Variants in WWOX observed in about 807,000 individuals in gnomAD.
WWOX encodes WW domain-containing oxidoreductase.
A neutral mutation model predicts 46.2 loss-of-function variants in WWOX; 69 were observed. The ratio of observed to expected loss-of-function variants is 1.49; its 90% CI spans 1.23 to 1.82. WWOX has a LOEUF of 1.82. WWOX is among the 40% of genes most tolerant of loss of function. WWOX has a pLI of 0.00. For synonymous variants in WWOX, 359 were observed against 202.6 expected (o/e 1.77, Z -6.56); for missense variants, 919 against 542.6 (o/e 1.69, Z -6.89).
intron 8 of WWOX, among the ~76,000 whole-genome samples, chr16:78,936,487 G>A (rs1283397189): frequency 6.6e-6 from 1 of 152,136 alleles, no homozygotes; most frequent in Non-Finnish European, 1.5e-5. Context: ...ATAAGTGCTT[G>A]CTAGCAAGCA....
At chr16:78,171,660 A>G (rs2035165405) in intron 5 of WWOX, among the ~76,000 whole-genome samples, 1 of 152,174 alleles carries the variant, frequency 6.6e-6, no homozygotes, top group Admixed American at 6.5e-5. Context: ...ATAGTTGTAG[A>G]TTACCGGGAA....
chr16:78,550,621 A>G (rs1266940385), intron 8 of WWOX: 2 of 152,236 alleles, frequency 1.3e-5, no homozygotes, highest in African/African-American at 2.4e-5. Flanking sequence ...TTTGTCTGAC[A>G]TAACTCAAAG....
intron 8 of WWOX, among the ~76,000 whole-genome samples, chr16:78,559,909 G>A (rs898163275): frequency 2.0e-5 from 3 of 152,080 alleles, no homozygotes; most frequent in Non-Finnish European, 4.4e-5. Flanking sequence ...CTTACAATCC[G>A]TTGCAGAAAG....
intron 8 of WWOX, among the ~76,000 whole-genome samples, chr16:78,538,449 C>CT (rs946171482): frequency 3.9e-5 from 6 of 152,144 alleles, no homozygotes; most frequent in Admixed American, 2.0e-4. Flanking sequence ...CGGCCACGGG[C>CT]TTTCCCACTG....
At chr16:78,968,482 C>A (rs191500737) in intron 8 of WWOX, among the ~76,000 whole-genome samples, 1 of 152,178 alleles carries the variant, frequency 6.6e-6, no homozygotes, top group Non-Finnish European at 1.5e-5. Context: ...CAGTCTTCAT[C>A]GTGGATGCAA....
intron 8 of WWOX, among the ~76,000 whole-genome samples, chr16:79,124,634 A>G (rs968335765): frequency 1.3e-5 from 2 of 152,180 alleles, no homozygotes; most frequent in East Asian, 3.9e-4. Flanking sequence ...TTGTGGAATG[A>G]TGAATATGTT....
At chr16:78,837,213 A>C (rs927291457) in intron 8 of WWOX, among the ~76,000 whole-genome samples, 2 of 152,206 alleles carry the variant, frequency 1.3e-5, no homozygotes, top group African/African-American at 4.8e-5. Flanking sequence ...CTGAACCAGA[A>C]GACTTGAGCT....
intron 5 of WWOX, among the ~76,000 whole-genome samples, chr16:78,180,860 C>T (rs948940932): frequency 2.0e-5 from 3 of 152,066 alleles, no homozygotes; most frequent in East Asian, 3.9e-4. Flanking sequence ...AGCAGACGTC[C>T]GGACTGTGCT....
At chr16:78,693,064 C>T (rs1306912332) in intron 8 of WWOX, among the ~76,000 whole-genome samples, 2 of 152,240 alleles carry the variant, frequency 1.3e-5, no homozygotes, top group Admixed American at 1.3e-4. Context: ...CCATCCAGAG[C>T]TTGCCAGCAA....
Position 78,578,266 on chromosome 16 carries a change from A to ATATATT in WWOX, c.1056+145519_1056+145520insTTATAT, listed in dbSNP as rs1392635047. Among the ~76,000 whole-genome samples, 98 of 22,292 alleles carry ATATATT rather than the reference A, an allele frequency of 4.4e-3. 1 individual carries two copies. Among genetic ancestry groups the ATATATT allele is most frequent in the African/African-American group, 0.014 (95 of 6,716 alleles). The allele number at this position is 22,292 out of a possible 152,430, so 14.6% of individuals were successfully genotyped here. On this transcript the variant is annotated intron_variant, in intron 8 of 8. Transcript: ENST00000566780. ...TGCATACCAAATTTTATATATATATATATATATATATATATATATTTTTTT... is the reference window on the plus strand; with the variant it reads ...TGCATACCAAATTTTATATATATATATATATTTATATATATATATATATATTTTTTT...
In WWOX at chr16:78,720,729, C is replaced by G. The variant is rs147113583; in HGVS notation, c.1056+287977C>G. Among the ~76,000 whole-genome samples, 43 of 152,210 alleles carry G rather than the reference C, an allele frequency of 2.8e-4. No individual in the cohort carries two copies. The East Asian group carries it at 7.7e-3, about 27-fold the overall frequency. On this transcript the variant is annotated intron_variant, in intron 8 of 8. Coordinates refer to ENST00000566780, the MANE Select transcript of WWOX (RefSeq NM_016373.4). ...GCGTGGTTTACACTATAAATTTCCA[C>G]CGGTCTCTGCTTGTCTCTTCTAGAA...
intron 4 of WWOX, among the ~76,000 whole-genome samples, chr16:78,129,607 A>G (rs1567588196): frequency 6.6e-6 from 1 of 152,128 alleles, no homozygotes; most frequent in East Asian, 1.9e-4. Flanking sequence ...ATCAGCCTTT[A>G]GGACAGAGGT....
chr16:78,226,525 CCTT>C (rs1272079655), intron 5 of WWOX, among the ~76,000 whole-genome samples: 1 of 129,550 alleles, frequency 7.7e-6, no homozygotes, highest in Non-Finnish European at 1.6e-5. Flanking sequence ...TTCCTTCTCT[CCTT>C]CTCCTCCTCC....
intron 8 of WWOX, among the ~76,000 whole-genome samples, chr16:79,074,523 G>A (rs1192074964): frequency 6.8e-6 from 1 of 146,000 alleles, no homozygotes; most frequent in Non-Finnish European, 1.5e-5. Context: ...GGGATTTTGG[G>A]GACAACAGTG....
chr16:78,464,702 A>G (rs566742753), intron 8 of WWOX, among the ~76,000 whole-genome samples: 10 of 152,246 alleles, frequency 6.6e-5, no homozygotes, highest in African/African-American at 1.7e-4. Flanking sequence ...CCGTGCAGCA[A>G]TTCTTCCTGG....
At chr16:79,019,327 C>G (rs192378951) in intron 8 of WWOX, among the ~76,000 whole-genome samples, 4 of 152,166 alleles carry the variant, frequency 2.6e-5, no homozygotes, top group Admixed American at 2.6e-4. Context: ...ATGGTGCCGT[C>G]TACTACACAC....
At chr16:78,457,692 T>A (rs2083852231) in intron 8 of WWOX, among the ~76,000 whole-genome samples, 1 of 151,974 alleles carries the variant, frequency 6.6e-6, no homozygotes, top group Non-Finnish European at 1.5e-5. Flanking sequence ...GGCAGGTGGA[T>A]CACCTGAGGT....
At chr16:78,461,450 C>T (rs764532102) in intron 8 of WWOX, among the ~76,000 whole-genome samples, 1 of 152,098 alleles carries the variant, frequency 6.6e-6, no homozygotes, top group Non-Finnish European at 1.5e-5. Context: ...CATGAGAAAC[C>T]CAGCCAAACA....
At chr16:78,736,364 G>A (rs933665629) in intron 8 of WWOX, among the ~76,000 whole-genome samples, 4 of 152,066 alleles carry the variant, frequency 2.6e-5, no homozygotes, top group Admixed American at 6.6e-5. Flanking sequence ...AAATTTTCCA[G>A]AGAAGGTCAC....
Sources: gnomAD v4.1 joint callset for allele counts (sites outside exome capture counted in the v4.1 genomes callset) on GRCh38, gnomAD v4.1.1 for gene constraint, MANE v1.5 for transcripts, NCBI Gene and HGNC (gene_info 2026-07-23, HGNC 2026-07-21) for gene names.